MYLK: variants seen among roughly 807,000 people sequenced by gnomAD.
The protein encoded by MYLK is myosin light chain kinase, also known as myosin light chain kinase, smooth muscle.
In MYLK, 106 loss-of-function variants were observed where a neutral mutation model predicts 203.4. That is an observed-to-expected ratio of 0.52 (90% CI 0.45 to 0.61). The LOEUF is 0.61. MYLK is among the 20% of genes least tolerant of loss of function. MYLK has a pLI of 0.00. For synonymous variants in MYLK, 867 were observed against 959.5 expected, an observed-to-expected ratio of 0.90 and a Z score of 1.78; for missense variants, 2,072 against 2,442.3, an observed-to-expected ratio of 0.85 and a Z score of 3.20.
chr3:123,621,593 G>A (rs932229236), intron 31 of MYLK: 1 of 152,196 alleles, frequency 6.6e-6, no homozygotes, highest in Non-Finnish European at 1.5e-5. Context: ...ATAACTTCTG[G>A]GTGCTAAGGA....
intron 5 of MYLK, among the ~76,000 whole-genome samples, chr3:123,741,013 T>A (rs1020149252): frequency 6.6e-6 from 1 of 151,986 alleles, no homozygotes; most frequent in Non-Finnish European, 1.5e-5. Flanking sequence ...GAGGAAGAGG[T>A]CTTTTTTGAG....
At chr3:123,689,393 T>A (rs761783049) in intron 19 of MYLK, among the ~76,000 whole-genome samples, 18 of 152,158 alleles carry the variant, frequency 1.2e-4, no homozygotes, top group Non-Finnish European at 2.2e-4. Context: ...CAGGGAGGTC[T>A]GGATCACTCT....
At chr3:123,798,663 A>G (rs1299209121) in intron 3 of MYLK, among the ~76,000 whole-genome samples, 6 of 152,164 alleles carry the variant, frequency 3.9e-5, no homozygotes, top group African/African-American at 1.2e-4. Flanking sequence ...AGGTTAGAAA[A>G]GGAACACGCA....
chr3:123,697,302 G>C (rs961936466), intron 18 of MYLK, among the ~76,000 whole-genome samples: 24 of 152,256 alleles, frequency 1.6e-4, no homozygotes, highest in African/African-American at 4.1e-4. Flanking sequence ...TTGAGACAAC[G>C]CACTCTCCTG....
chr3:123,780,114 G>A (rs1362599139), intron 4 of MYLK, among the ~76,000 whole-genome samples: 1 of 152,094 alleles, frequency 6.6e-6, no homozygotes, highest in Non-Finnish European at 1.5e-5. Flanking sequence ...AAACCACCAG[G>A]TCCCTACTCC....
chr3:123,725,967 G>A lies in MYLK; in HGVS notation c.1628C>T (p.Pro543Leu). Reference protein sequence around the residue: ...LQCSVRGTPVPRITWLLNGQP... With the variant: ...LQCSVRGTPVLRITWLLNGQP... ...ACCATTCAGCAGCCAAGTGATCCGG[G>A]GCACTGGGGTCCCCCGTACGGAGCA... The change falls in exon 12 of 34, where the codon CCC (proline) becomes CTC (leucine). Residue 543 changes from proline to leucine, a missense_variant. Around this residue, in one of 3 missense-constraint regions of MYLK, gnomAD observed 865 missense variants for 1,016.0 expected, o/e 0.85. Coordinates refer to ENST00000360304, the MANE Select transcript of MYLK (RefSeq NM_053025.4). The A allele has an allele frequency of 6.2e-7, 1 of 1,614,104 alleles. No individual in the cohort carries two copies. Among genetic ancestry groups the A allele is most frequent in the Non-Finnish European group, 8.5e-7 (1 of 1,179,954 alleles).
At chr3:123,680,401 C>T (rs2060223123) in intron 20 of MYLK, among the ~76,000 whole-genome samples, 1 of 152,202 alleles carries the variant, frequency 6.6e-6, no homozygotes, top group South Asian at 2.1e-4. Context: ...AATTCACAGC[C>T]CCTGGTGCCC....
intron 20 of MYLK, among the ~76,000 whole-genome samples, chr3:123,680,116 C>T (rs2060211650): frequency 6.6e-6 from 1 of 152,226 alleles, no homozygotes; most frequent in Non-Finnish European, 1.5e-5. Flanking sequence ...AACACACAGC[C>T]AGGGGTGCGA....
intron 3 of MYLK, among the ~76,000 whole-genome samples, chr3:123,808,267 C>G (rs1224146856): frequency 2.6e-5 from 4 of 152,124 alleles, no homozygotes; most frequent in Non-Finnish European, 5.9e-5. Context: ...TCTTTGGTAC[C>G]AACCTTAGGT....
intron 31 of MYLK, chr3:123,621,086 C>T (rs547905703): frequency 2.0e-5 from 3 of 152,320 alleles, no homozygotes; most frequent in African/African-American, 7.2e-5. Flanking sequence ...CTTTGCTTCT[C>T]AGTGACTAGA....
chr3:123,805,578 G>C (rs935143112), intron 3 of MYLK, among the ~76,000 whole-genome samples: 2 of 152,200 alleles, frequency 1.3e-5, no homozygotes, highest in African/African-American at 4.8e-5. Context: ...GTCCAGAGCT[G>C]TATCATAAAC....
At chr3:123,802,857 C>T (rs2065241578) in intron 3 of MYLK, among the ~76,000 whole-genome samples, 1 of 152,196 alleles carries the variant, frequency 6.6e-6, no homozygotes, top group Admixed American at 6.5e-5. Flanking sequence ...AGTTCACTCA[C>T]TTCATTCTTA....
At chr3:123,639,168 C>G (rs2058745492) in intron 28 of MYLK, among the ~76,000 whole-genome samples, 1 of 152,178 alleles carries the variant, frequency 6.6e-6, no homozygotes, top group South Asian at 2.1e-4. Context: ...TTGGTGGTCA[C>G]TGTTCAAAGG....
chr3:123,735,718 A>C, intron 8 of MYLK: 2 of 382,106 alleles, frequency 5.2e-6, no homozygotes, highest in Non-Finnish European at 9.7e-6. Context: ...ACAAACATCT[A>C]CTGAAAATTC....
rs1295867250 is a variant in MYLK, at chr3:123,613,241, T to C, written c.*864A>G. The C allele has an allele frequency of 1.3e-5, 2 of 152,220 alleles. No individual in the cohort carries two copies. Among genetic ancestry groups the C allele is most frequent in the African/African-American group, 4.8e-5 (2 of 41,456 alleles). 9.4% of individuals were successfully genotyped at this position (152,220 alleles called of 1,614,324 possible). ...CTTTTCAGCAAACTGATTTCTCCTA[T>C]ATTCAAACACAAAAATCTTTACCAC... is the stretch of plus-strand genomic sequence containing the variant. On this transcript the variant is annotated 3_prime_UTR_variant, in exon 34 of 34. Coordinates refer to ENST00000360304, the MANE Select transcript of MYLK (RefSeq NM_053025.4).
chr3:123,704,599 A>G (rs1050328964), intron 16 of MYLK, among the ~76,000 whole-genome samples: 1 of 151,962 alleles, frequency 6.6e-6, no homozygotes, highest in African/African-American at 2.4e-5. Context: ...TATATGGAAA[A>G]ATTACTTTAA....
chr3:123,765,587 A>C (rs2063678648), intron 4 of MYLK, among the ~76,000 whole-genome samples: 1 of 152,128 alleles, frequency 6.6e-6, no homozygotes, highest in Admixed American at 6.6e-5. Flanking sequence ...GTACACCCAC[A>C]TTCATGACAG....
intron 29 of MYLK, among the ~76,000 whole-genome samples, chr3:123,634,060 T>C (rs2058545066): frequency 6.6e-6 from 1 of 152,170 alleles, no homozygotes; most frequent in African/African-American, 2.4e-5. Context: ...CATCTGCTGA[T>C]GGAACTACTG....
At chr3:123,801,665 G>A (rs1353038731) in intron 3 of MYLK, among the ~76,000 whole-genome samples, 1 of 152,190 alleles carries the variant, frequency 6.6e-6, no homozygotes, top group Non-Finnish European at 1.5e-5. Flanking sequence ...ACTTACAAGT[G>A]AGAACATGTG....
Sources: gnomAD v4.1 joint callset for allele counts (sites outside exome capture counted in the v4.1 genomes callset) on GRCh38, gnomAD v4.1.1 for gene constraint, gnomAD v4.1.1 regional missense constraint, MANE v1.5 for transcripts, NCBI Gene and HGNC (gene_info 2026-07-23, HGNC 2026-07-21) for gene names.